ABLIM2: variants seen among roughly 807,000 people sequenced by gnomAD.
ABLIM2 encodes the protein actin binding LIM protein family member 2.
In ABLIM2, 53 loss-of-function variants were observed where a neutral mutation model predicts 97.7. That is an observed-to-expected ratio of 0.54 (90% confidence interval 0.44 to 0.68). The LOEUF (loss-of-function observed/expected upper bound fraction) is 0.68, where lower values mean the gene tolerates loss of function less well. Among genes scored for constraint, ABLIM2 ranks in the 30% least tolerant of loss-of-function variants. The pLI is 0.00. For synonymous variants in ABLIM2, 361 were observed against 345.8 expected (o/e 1.04, Z -0.49); for missense variants, 835 against 867.2 (o/e 0.96, Z 0.47).
rs1029476393 is a variant in ABLIM2, at chr4:8,043,915, G to A, written c.900+1249C>T. On this transcript the variant is annotated intron_variant, in intron 9 of 20. Coordinates refer to ENST00000447017, the MANE Select transcript of ABLIM2 (RefSeq NM_001130083.2). The surrounding 1 kb of genome is among the most constrained non-coding windows in gnomAD (Gnocchi z 4.8). ...AGAGGCTCCAGGCGGGCGGCACCTC[G>A]CCCAGGGCATGCAGCCAACCTGGTG... is the stretch of plus-strand genomic sequence containing the variant. Among the ~76,000 whole-genome samples the A allele has an allele frequency of 3.3e-5, 5 of 151,752 alleles. No homozygotes were observed. Among genetic ancestry groups the A allele is most frequent in the South Asian group, 2.1e-4 (1 of 4,812 alleles).
At chr4:7,983,159 C>T in intron 20 of ABLIM2, 105 bp downstream of exon 20, 2 of 1,192,352 alleles carry the variant, frequency 1.7e-6, no homozygotes, top group Non-Finnish European at 1.2e-6. Context: ...CTGCACTGTC[C>T]CCCACGGTGG....
intron 1 of ABLIM2, among the ~76,000 whole-genome samples, chr4:8,114,975 G>A (rs10938689): frequency 0.68 from 104,018 of 152,008 alleles, 36,620 homozygotes; most frequent in East Asian, 0.9. Context: ...ACCAGGAGAC[G>A]ACCTGGCCCT....
intron 2 of ABLIM2, 51 bp downstream of exon 2, chr4:8,106,443 C>A (rs1037106061): frequency 6.4e-7 from 1 of 1,561,156 alleles, no homozygotes; most frequent in Admixed American, 1.9e-5. Flanking sequence ...AGGATCGCCG[C>A]TGGGAGGCCC....
chr4:8,133,627 C>G (rs1207213800), intron 1 of ABLIM2, among the ~76,000 whole-genome samples: 1 of 152,212 alleles, frequency 6.6e-6, no homozygotes, highest in Non-Finnish European at 1.5e-5. Flanking sequence ...AGCTCCTCCC[C>G]GGGTCCCGCT....
At chr4:8,088,717 G>A (rs1272912884) in intron 3 of ABLIM2, among the ~76,000 whole-genome samples, 2 of 152,232 alleles carry the variant, frequency 1.3e-5, no homozygotes, top group Admixed American at 6.5e-5. Context: ...GTGTGCCCAG[G>A]GCCCACTACT....
At position 8,084,971 on chromosome 4, in the gene ABLIM2, G is replaced by A. The variant is rs1350161972; in HGVS notation, c.454+3198C>T. On this transcript the variant is annotated intron_variant, in intron 4 of 20. Coordinates refer to ENST00000447017, the MANE Select transcript of ABLIM2 (RefSeq NM_001130083.2). Reference sequence around the variant, plus strand: ...TGACCAGCAATGGGTCAGCACTGGAGAGCTGGGGGCCTCACGGGAAGGGGC... The same window carrying A: ...TGACCAGCAATGGGTCAGCACTGGAAAGCTGGGGGCCTCACGGGAAGGGGC... 4.6e-5 allele frequency among the ~76,000 whole-genome samples: 7 copies of A among 152,214 alleles called. No individual in the cohort carries two copies. In the East Asian group the frequency reaches 1.2e-3, roughly 25 times the overall value.
rs1162058326 is a variant in ABLIM2 at position 8,002,443 on chromosome 4, G to T, written c.1618+5616C>A. ...CTTTTGTGGGAGCCCTTTTCCTCTC[G>T]CCCTGACTGGGCAGCCTCCAGTCCA... On this transcript the variant is annotated intron_variant, in intron 16 of 20. Coordinates refer to ENST00000447017, the MANE Select transcript of ABLIM2 (RefSeq NM_001130083.2). This position sits in a 1 kb window ranked among gnomAD's most constrained non-coding sequence, Gnocchi z 6.1. Among the ~76,000 whole-genome samples, 2 of 152,106 alleles carry T rather than the reference G, an allele frequency of 1.3e-5. No homozygotes were observed. Among genetic ancestry groups the T allele is most frequent in the East Asian group, 3.9e-4 (2 of 5,192 alleles).
rs1217315779 is a variant in ABLIM2, at chr4:8,080,666, C to T, written c.581+10G>A. ...GCGGAGGCTCTCACTAGAGCCCTCC[C>T]CCCACTTACTTGCTGATGTACTCGG... On this transcript the variant is annotated intron_variant, in intron 5 of 20. Transcript: ENST00000447017. 17 of 1,595,708 alleles carry T rather than the reference C, an allele frequency of 1.1e-5. No individual in the cohort carries two copies. Among genetic ancestry groups the T allele is most frequent in the Non-Finnish European group, 1.5e-5 (17 of 1,168,284 alleles).
In ABLIM2 at chr4:8,019,632, A is replaced by G; in HGVS notation, c.1409T>C (p.Ile470Thr). The G allele has an allele frequency of 6.2e-7, 1 of 1,612,254 alleles. No individual in the cohort carries two copies. ...TCCAACCGTACCATGCTGTCTGTAG[A>G]TAGGGGGTTTCCTATAGATGTTATC... ...VKDNIYRKPP[I>T]YRQHAARRSD... The change falls in exon 14 of 21, where the codon ATC (isoleucine) becomes ACC (threonine). Residue 470 changes from isoleucine to threonine, a missense_variant. By Grantham distance (89) the Ile-to-Thr change is moderately conservative. Transcript: ENST00000447017. The surrounding 1 kb of genome is among the most constrained non-coding windows in gnomAD (Gnocchi z 4.3).
chr4:8,008,815 G>T (rs577333130), intron 15 of ABLIM2, among the ~76,000 whole-genome samples: 2 of 152,270 alleles, frequency 1.3e-5, no homozygotes, highest in Admixed American at 1.3e-4. Flanking sequence ...CATCTCTTCA[G>T]TCACAGAACC....
Position 8,044,681 on chromosome 4 carries a change from C to CTG in ABLIM2, c.900+482_900+483insCA, listed in dbSNP as rs1791066042. Among the ~76,000 whole-genome samples the CTG allele has an allele frequency of 6.6e-6, 1 of 151,188 alleles. No homozygotes were observed. The highest frequency in any genetic ancestry group is 6.6e-5 in the Admixed American group (1 of 15,166). On this transcript the variant is annotated intron_variant, in intron 9 of 20. Coordinates refer to ENST00000447017, the MANE Select transcript of ABLIM2 (RefSeq NM_001130083.2). This position sits in a 1 kb window ranked among gnomAD's most constrained non-coding sequence, Gnocchi z 4.4. ...ACACACACACAGAGTCTCTCTCTCTCTCTCTCTCTCGAACGAACGAAAACG... is the reference window on the plus strand; with the variant it reads ...ACACACACACAGAGTCTCTCTCTCTCTGTCTCTCTCTCGAACGAACGAAAACG...
chr4:7,993,398 T>G (rs1005841083), intron 16 of ABLIM2, among the ~76,000 whole-genome samples: 3 of 152,212 alleles, frequency 2.0e-5, no homozygotes, highest in African/African-American at 7.2e-5. Flanking sequence ...TTAATAAACT[T>G]CTTGGCTGGG....
chr4:8,045,037 C>T (rs1791395190), intron 9 of ABLIM2, 127 bp downstream of exon 9: 2 of 815,824 alleles, frequency 2.5e-6, no homozygotes, highest in Non-Finnish European at 4.1e-6. Flanking sequence ...AGAGCAATGG[C>T]CGTACCTCAG....
rs1436596984 is a variant in ABLIM2, at chr4:8,001,226, G to A, written c.1618+6833C>T. Among the ~76,000 whole-genome samples the A allele has an allele frequency of 6.6e-6, 1 of 152,208 alleles. No homozygotes were observed. Among genetic ancestry groups the A allele is most frequent in the East Asian group, 1.9e-4 (1 of 5,186 alleles). Reference sequence around the variant, plus strand: ...CCGGTGTCGGGGCCCAGGCAGCATTGGAGGAGGACAGAGGAGGCCCTGGGG... The same window carrying A: ...CCGGTGTCGGGGCCCAGGCAGCATTAGAGGAGGACAGAGGAGGCCCTGGGG... On this transcript the variant is annotated intron_variant, in intron 16 of 20. Coordinates refer to ENST00000447017, the MANE Select transcript of ABLIM2 (RefSeq NM_001130083.2). The surrounding 1 kb of genome is among the most constrained non-coding windows in gnomAD (Gnocchi z 4.2).
At chr4:8,047,298 C>G (rs1793132325) in intron 8 of ABLIM2, among the ~76,000 whole-genome samples, 2 of 152,196 alleles carry the variant, frequency 1.3e-5, no homozygotes, top group African/African-American at 4.8e-5. Flanking sequence ...GGCCCAGGTC[C>G]TCTCCATGCC....
intron 8 of ABLIM2, among the ~76,000 whole-genome samples, chr4:8,045,902 A>G (rs936048093): frequency 6.6e-6 from 1 of 152,032 alleles, no homozygotes; most frequent in Admixed American, 6.6e-5. Context: ...GGAACACGGG[A>G]CCATCTTGGT....
At chr4:8,010,624 G>A (rs1316154520) in intron 14 of ABLIM2, 5 of 963,700 alleles carry the variant, frequency 5.2e-6, no homozygotes, top group South Asian at 9.6e-5. Flanking sequence ...TACTCTCAAC[G>A]GCTACCTGTT....
chr4:8,073,408 G>A (rs543752347), intron 6 of ABLIM2, among the ~76,000 whole-genome samples: 2 of 151,806 alleles, frequency 1.3e-5, no homozygotes, highest in Non-Finnish European at 2.9e-5. Context: ...GCTGTTCTTC[G>A]CGGAGAACGG....
At position 8,071,071 on chromosome 4, in the gene ABLIM2, C is replaced by T. The variant is rs1811671783; in HGVS notation, c.675+6557G>A. 6.6e-6 allele frequency among the ~76,000 whole-genome samples: 1 copy of T among 152,160 alleles called. No homozygotes were observed. ...ACATGGCCAGTGGCTTCTCCTCATC[C>T]ACACCTCCTCCCTTTATGCAGCCCT... On this transcript the variant is annotated intron_variant, in intron 6 of 20. Transcript: ENST00000447017. The surrounding 1 kb of genome is among the most constrained non-coding windows in gnomAD (Gnocchi z 6.2).
Sources: allele counts gnomAD v4.1 joint callset (sites outside exome capture counted in the v4.1 genomes callset), GRCh38; gene constraint gnomAD v4.1.1; non-coding constraint Gnocchi (gnomAD v3.1); transcripts MANE v1.5; gene names NCBI Gene and HGNC (gene_info 2026-07-23, HGNC 2026-07-21).